The following SP1 variants were observed in gnomAD, a reference collection of about 807,000 sequenced individuals.
SP1 encodes the protein transcription factor Sp1.
A neutral mutation model predicts 66.3 loss-of-function variants in SP1; 6 were observed. That is an observed-to-expected ratio of 0.09 (90% CI 0.05 to 0.18). SP1 has a LOEUF of 0.18. Among genes scored for constraint, SP1 ranks in the 10% least tolerant of loss-of-function variants. The pLI, the probability that SP1 is intolerant of heterozygous loss-of-function variation, is 1.00. For synonymous variants in SP1, 417 were observed against 360.8 expected (o/e 1.16, Z -1.77); for missense variants, 848 against 964.5 (o/e 0.88, Z 1.60).
At position 53,408,021 on chromosome 12, in the gene SP1, C is replaced by T. The variant is rs1168941475; in HGVS notation, c.1844+1268C>T. ...CAGCACTTTGGGAGGCCAAGGCGGG[C>T]GGATCACCTGAGGTCAGGAGTACAA... On this transcript the variant is annotated intron_variant, in intron 4 of 5. Transcript: ENST00000327443. 5.6e-5 allele frequency among the ~76,000 whole-genome samples: 8 copies of T among 142,550 alleles called. No individual in the cohort carries two copies. The East Asian group carries it at 6.8e-4, about 12-fold the overall frequency. The allele number at this position is 142,550 out of a possible 152,430, so 93.5% of individuals were successfully genotyped here.
intron 3 of SP1, among the ~76,000 whole-genome samples, chr12:53,383,973 CT>C (rs56055478): frequency 1.5e-3 from 199 of 132,854 alleles, no homozygotes; most frequent in Non-Finnish European, 1.9e-3. Flanking sequence ...ATTTTCTTTT[CT>C]TTTTTTTTTT....
chr12:53,410,844 G>C (rs1016800399), intron 5 of SP1, 83 bp from the exon 6 acceptor site: 1 of 973,502 alleles, frequency 1.0e-6, no homozygotes, highest in Non-Finnish European at 1.6e-6. Context: ...GCCTTACTCA[G>C]CTTAGTAGAG....
At chr12:53,396,754 A>G (rs950923218) in intron 3 of SP1, among the ~76,000 whole-genome samples, 19 of 152,144 alleles carry the variant, frequency 1.2e-4, no homozygotes, top group African/African-American at 3.9e-4. Context: ...GTTTTGATTT[A>G]TGTTATAGTC....
At chr12:53,404,000 T>C (rs1938670332) in intron 3 of SP1, among the ~76,000 whole-genome samples, 1 of 150,650 alleles carries the variant, frequency 6.6e-6, no homozygotes, top group South Asian at 2.1e-4. Flanking sequence ...TGAAACCCCG[T>C]CTCTACTAAA....
chr12:53,407,047 A>G (rs918954331), intron 4 of SP1, among the ~76,000 whole-genome samples: 15 of 151,900 alleles, frequency 9.9e-5, no homozygotes, highest in African/African-American at 3.6e-4. Context: ...GATGGTCTCG[A>G]TCTCCTGACC....
chr12:53,408,298 A>G (rs572167555), intron 4 of SP1, among the ~76,000 whole-genome samples: 1 of 142,816 alleles, frequency 7.0e-6, no homozygotes, highest in Admixed American at 6.9e-5. Context: ...GTGCAACGGC[A>G]CGATCTCGGC....
chr12:53,403,032 C>T (rs888446537), intron 3 of SP1, among the ~76,000 whole-genome samples: 6 of 151,382 alleles, frequency 4.0e-5, no homozygotes, highest in African/African-American at 1.2e-4. Context: ...CCTGCAATCA[C>T]AGCTACTCGG....
chr12:53,385,392 G>A (rs1406087530), intron 3 of SP1, among the ~76,000 whole-genome samples: 4 of 144,696 alleles, frequency 2.8e-5, no homozygotes, highest in African/African-American at 5.2e-5. Flanking sequence ...TCAAGAGATC[G>A]AGACCATCCT....
Position 53,411,136 on chromosome 12 carries a change from G to A in SP1, c.2254G>A (p.Glu752Lys), listed in dbSNP as rs762932043. ...ALITTNMVAM[E>K]AICPEGIARL... ...TATTACCACCAATATGGTAGCCATGGAGGCCATCTGTCCAGAGGGCATTGC... is the reference window on the plus strand; with the variant it reads ...TATTACCACCAATATGGTAGCCATGAAGGCCATCTGTCCAGAGGGCATTGC... Residue 752 changes from glutamate to lysine, a missense_variant, in exon 6 of 6, where the codon GAG (glutamate) becomes AAG (lysine). Around this residue, in one of 7 missense-constraint regions of SP1, gnomAD observed 73 missense variants for 91.9 expected, o/e 0.79. Transcript: ENST00000327443. 2 of 1,614,106 alleles carry A rather than the reference G, an allele frequency of 1.2e-6. No homozygotes were observed. The highest frequency in any genetic ancestry group is 1.7e-6 in the Non-Finnish European group (2 of 1,179,942).
At chr12:53,392,653 G>A (rs978065854) in intron 3 of SP1, among the ~76,000 whole-genome samples, 4 of 151,678 alleles carry the variant, frequency 2.6e-5, no homozygotes, top group African/African-American at 4.8e-5. Flanking sequence ...CACCGCGCCC[G>A]GCCTAATTTT....
chr12:53,411,378 A>T lies in SP1; in HGVS notation c.*138A>T, dbSNP rs2136921785. The T allele has an allele frequency of 1.4e-6, 1 of 690,324 alleles. No individual in the cohort carries two copies. Among genetic ancestry groups the T allele is most frequent in the East Asian group, 2.7e-5 (1 of 36,476 alleles). 42.8% of individuals were successfully genotyped at this position (690,324 alleles called of 1,614,324 possible). On this transcript the variant is annotated 3_prime_UTR_variant, in exon 6 of 6. Coordinates refer to ENST00000327443, the MANE Select transcript of SP1 (RefSeq NM_138473.3). Reference sequence around the variant, plus strand: ...GGTGTTGAGAAGAATCAGGAGAGGGATACAAGAGAGGAGATGGGGTCCCGG... The same window carrying T: ...GGTGTTGAGAAGAATCAGGAGAGGGTTACAAGAGAGGAGATGGGGTCCCGG...
chr12:53,400,304 A>T (rs987718574), intron 3 of SP1, among the ~76,000 whole-genome samples: 2 of 151,726 alleles, frequency 1.3e-5, no homozygotes, highest in African/African-American at 4.9e-5. Flanking sequence ...CAATTAGCAT[A>T]ATATTTCCAA....
At chr12:53,404,069 G>C (rs956648099) in intron 3 of SP1, among the ~76,000 whole-genome samples, 1 of 151,934 alleles carries the variant, frequency 6.6e-6, no homozygotes, top group African/African-American at 2.4e-5. Context: ...TACTAGGGAG[G>C]CTGAGGCAGG....
rs1375851932 is a variant in SP1 at position 53,416,335 on chromosome 12, T to G, written c.*5095T>G. 1 of 143,730 alleles carries G rather than the reference T, an allele frequency of 7.0e-6. No individual in the cohort carries two copies. The highest frequency in any genetic ancestry group is 1.5e-5 in the Non-Finnish European group (1 of 66,508). The allele number at this position is 143,730 out of a possible 1,614,324, so 8.9% of individuals were successfully genotyped here. ...TGTCTTTCCTCCTACCTTTTGTCTC[T>G]TGGTGTTTTGGGACTTTTTTTTTTT... On this transcript the variant is annotated 3_prime_UTR_variant, in exon 6 of 6. Transcript: ENST00000327443.
rs183762099 is a variant in SP1 at position 53,382,840 on chromosome 12, C to T, written c.893C>T (p.Pro298Leu). The change falls in exon 3 of 6, where the codon CCT (proline) becomes CTT (leucine). Residue 298 changes from proline to leucine, a missense_variant. Around this residue, in one of 7 missense-constraint regions of SP1, gnomAD observed 606 missense variants for 589.9 expected, o/e 1.03. Transcript: ENST00000327443. ...SSGSQESGSQPVTSGTTISSA... is the reference protein window; with the variant it reads ...SSGSQESGSQLVTSGTTISSA... ...GGGTCCCAGGAGAGTGGCTCACAGC[C>T]TGTCACCTCAGGGACTACCATCAGT... 2 of 1,614,216 alleles carry T rather than the reference C, an allele frequency of 1.2e-6. No individual in the cohort carries two copies. Among genetic ancestry groups the T allele is most frequent in the Non-Finnish European group, 1.7e-6 (2 of 1,180,020 alleles).
intron 3 of SP1, among the ~76,000 whole-genome samples, chr12:53,392,691 C>T (rs1424207700): frequency 1.3e-5 from 2 of 151,048 alleles, no homozygotes; most frequent in African/African-American, 4.9e-5. Flanking sequence ...GATGGGGTTT[C>T]ACCACGCTGG....
chr12:53,390,036 T>G (rs1167922117), intron 3 of SP1, among the ~76,000 whole-genome samples: 1 of 152,196 alleles, frequency 6.6e-6, no homozygotes, highest in Non-Finnish European at 1.5e-5. Flanking sequence ...TCACTAAACT[T>G]GGAGTCAGAT....
rs185412504 is a variant in SP1 at position 53,384,841 on chromosome 12, C to T, written c.1675+1219C>T. On this transcript the variant is annotated intron_variant, in intron 3 of 5. Transcript: ENST00000327443. ...CTTCGACAAAAATACAAAAATTGGC[C>T]GGGTGTGGTGGTACATGCCTATGGG... Among the ~76,000 whole-genome samples, 171 of 152,024 alleles carry T rather than the reference C, an allele frequency of 1.1e-3. 1 individual carries two copies. The highest frequency in any genetic ancestry group is 1.2e-3 in the Admixed American group (19 of 15,262).
Position 53,383,395 on chromosome 12 carries a change from CCTT to C in SP1, c.1449_1451del (p.Leu484del). 1 of 1,614,234 alleles carries C rather than the reference CCTT, an allele frequency of 6.2e-7. No individual in the cohort carries two copies. On this transcript the variant is annotated inframe_deletion, in exon 3 of 6. Transcript: ENST00000327443. The stretch of plus-strand genomic sequence containing the variant: ...CAGAACCCACAAGCCCAAACAATCA[CCTT>C]AGCCCCAATGCAGGGTGTTTCCTTG...
Sources: gnomAD v4.1 joint callset for allele counts (sites outside exome capture counted in the v4.1 genomes callset) on GRCh38, gnomAD v4.1.1 for gene constraint, gnomAD v4.1.1 regional missense constraint, MANE v1.5 for transcripts, NCBI Gene and HGNC (gene_info 2026-07-23, HGNC 2026-07-21) for gene names.